PXDNL: variants seen among roughly 807,000 people sequenced by gnomAD.
PXDNL encodes probable oxidoreductase PXDNL.
A neutral mutation model predicts 150.8 loss-of-function variants in PXDNL; 145 were observed. That is an observed-to-expected ratio of 0.96 (90% confidence interval 0.84 to 1.10). PXDNL has a LOEUF of 1.10. PXDNL is among the 50% of genes least tolerant of loss of function. The pLI, the probability that PXDNL is intolerant of heterozygous loss-of-function variation, is 0.00. For missense variants in PXDNL, 2,087 were observed against 1,873.9 expected (o/e 1.11, Z -2.10); for synonymous variants, 757 against 725.7 (o/e 1.04, Z -0.69).
intron 1 of PXDNL, among the ~76,000 whole-genome samples, chr8:51,691,089 G>A (rs1310553937): frequency 1.3e-5 from 2 of 152,134 alleles, no homozygotes; most frequent in African/African-American, 4.8e-5. Context: ...AGATGAGCAG[G>A]TTGCAAAAGT....
chr8:51,529,513 C>G (rs746431836), intron 4 of PXDNL, among the ~76,000 whole-genome samples: 4 of 152,192 alleles, frequency 2.6e-5, no homozygotes, highest in Non-Finnish European at 4.4e-5. Context: ...GTCTCTTTTG[C>G]TGTTTCATTC....
rs145118452 is a variant in PXDNL, at chr8:51,750,706, T to C, written c.164+58475A>G. 2.2e-4 allele frequency among the ~76,000 whole-genome samples: 33 copies of C among 152,374 alleles called. 1 individual carries two copies. The highest frequency in any genetic ancestry group is 4.4e-4 in the Non-Finnish European group (30 of 68,034). The stretch of plus-strand genomic sequence containing the variant: ...CTCTTATTTACTACCCTACCAGTTA[T>C]CAAACCTACCTGAAAGTCCTTTTCT... On this transcript the variant is annotated intron_variant, in intron 1 of 22. Transcript: ENST00000356297.
intron 1 of PXDNL, among the ~76,000 whole-genome samples, chr8:51,685,815 A>C (rs1276781902): frequency 6.6e-6 from 1 of 152,132 alleles, no homozygotes; most frequent in Non-Finnish European, 1.5e-5. Context: ...TTGCTATATT[A>C]TTTATCAAGA....
At chr8:51,592,802 T>G in intron 2 of PXDNL, 104 bp from the exon 3 acceptor site, 3 of 696,140 alleles carry the variant, frequency 4.3e-6, no homozygotes, top group African/African-American at 1.9e-5. Flanking sequence ...AGAAAAATAT[T>G]TACTGACATG....
intron 4 of PXDNL, among the ~76,000 whole-genome samples, chr8:51,552,395 C>T (rs1812510138): frequency 6.6e-6 from 1 of 152,154 alleles, no homozygotes; most frequent in South Asian, 2.1e-4. Context: ...TTTATAGCAG[C>T]ACAATTTGCA....
chr8:51,805,048 A>T (rs2037660812), intron 1 of PXDNL, among the ~76,000 whole-genome samples: 1 of 151,866 alleles, frequency 6.6e-6, no homozygotes, highest in Non-Finnish European at 1.5e-5. Context: ...CTGAGTCAGG[A>T]GGTCAGTGAC....
At chr8:51,369,395 G>A (rs1402447803) in intron 19 of PXDNL, among the ~76,000 whole-genome samples, 1 of 152,174 alleles carries the variant, frequency 6.6e-6, no homozygotes, top group Non-Finnish European at 1.5e-5. Flanking sequence ...AGTGTAAGAA[G>A]CCCATCCCAT....
At chr8:51,460,228 A>G (rs1393375683) in intron 8 of PXDNL, among the ~76,000 whole-genome samples, 2 of 151,388 alleles carry the variant, frequency 1.3e-5, no homozygotes, top group Admixed American at 6.6e-5. Flanking sequence ...CAGCCTGGGC[A>G]ACAGAGTGAG....
chr8:51,791,685 T>A (rs890265610), intron 1 of PXDNL, among the ~76,000 whole-genome samples: 4 of 152,070 alleles, frequency 2.6e-5, no homozygotes, highest in African/African-American at 9.7e-5. Flanking sequence ...TTCATATAGC[T>A]CCCCCTTAGT....
Position 51,449,102 on chromosome 8 carries a change from T to C in PXDNL, c.1266A>G (p.Thr422=). 1.9e-6 allele frequency: 3 copies of C among 1,547,394 alleles called. No homozygotes were observed. Among genetic ancestry groups the C allele is most frequent in the Non-Finnish European group, 2.6e-6 (3 of 1,143,946 alleles). The change falls in exon 11 of 23, where the codon ACA becomes ACG. Residue 422 remains threonine, a synonymous_variant. Coordinates refer to ENST00000356297, the MANE Select transcript of PXDNL (RefSeq NM_144651.5). ...GCACCACTTGATCCTTGGGGGTTAC[T>C]GTAAATTGTGGAGGAGCTAAAGAGA... ...NIIVQAPPQF[T]VTPKDQVVLE...
At chr8:51,533,810 G>A (rs1259326176) in intron 4 of PXDNL, among the ~76,000 whole-genome samples, 1 of 150,764 alleles carries the variant, frequency 6.6e-6, no homozygotes, top group South Asian at 2.1e-4. Flanking sequence ...AGGCTGGAGT[G>A]CAGTGGCGTG....
At chr8:51,741,888 C>T (rs557272757) in intron 1 of PXDNL, among the ~76,000 whole-genome samples, 8 of 152,252 alleles carry the variant, frequency 5.3e-5, no homozygotes, top group East Asian at 3.9e-4. Context: ...CTCTATTTGG[C>T]GTTTGTACTA....
Position 51,439,645 on chromosome 8 carries a change from C to T in PXDNL, c.1525+7359G>A, listed in dbSNP as rs375275228. ...TTCAAGACCAGCCTGGCCAACAGGGCGAAAAACTGTCTCTACTAAAAATAT... is the reference window on the plus strand; with the variant it reads ...TTCAAGACCAGCCTGGCCAACAGGGTGAAAAACTGTCTCTACTAAAAATAT... On this transcript the variant is annotated intron_variant, in intron 12 of 22. Transcript: ENST00000356297. Among the ~76,000 whole-genome samples the T allele has an allele frequency of 3.3e-5, 5 of 151,686 alleles. 1 individual carries two copies. The highest frequency in any genetic ancestry group is 2.1e-4 in the South Asian group (1 of 4,798).
chr8:51,552,227 C>T (rs1249033224), intron 4 of PXDNL, among the ~76,000 whole-genome samples: 1 of 152,138 alleles, frequency 6.6e-6, no homozygotes, highest in Admixed American at 6.6e-5. Flanking sequence ...TTTTACAATG[C>T]TGGTGGGGCA....
chr8:51,319,896 G>T lies in PXDNL; in HGVS notation c.4387C>A (p.Arg1463Ser). The change falls in exon 23 of 23, where the codon CGC becomes AGC. Residue 1463 changes from arginine to serine, a missense_variant. Arg to Ser is a moderately radical substitution (Grantham distance 110). Transcript: ENST00000356297. The part of the protein sequence containing the change: ...RGMPSDSPEK[R>S] ...TCAACAGCACAAAACTTTTATTAGC[G>T]CTTCTCTGGGGAATCACTTGGCATT... 2 of 1,525,670 alleles carry T rather than the reference G, an allele frequency of 1.3e-6. No individual in the cohort carries two copies. The highest frequency in any genetic ancestry group is 1.8e-6 in the Non-Finnish European group (2 of 1,138,510). The allele number at this position is 1,525,670 out of a possible 1,614,324, so 94.5% of individuals were successfully genotyped here. A position where few individuals can be genotyped will look rare whatever the true frequency, so the allele number is the denominator to read the frequency against.
At chr8:51,681,426 G>T (rs1302272344) in intron 1 of PXDNL, among the ~76,000 whole-genome samples, 1 of 152,162 alleles carries the variant, frequency 6.6e-6, no homozygotes, top group Non-Finnish European at 1.5e-5. Flanking sequence ...ATCAAAAATG[G>T]GTATCTGGCT....
At chr8:51,653,548 T>C (rs1815084712) in intron 2 of PXDNL, among the ~76,000 whole-genome samples, 1 of 152,208 alleles carries the variant, frequency 6.6e-6, no homozygotes, top group Non-Finnish European at 1.5e-5. Context: ...TTTCGTACAT[T>C]GCACTTTGAT....
chr8:51,361,413 GA>G (rs375862438), intron 19 of PXDNL, among the ~76,000 whole-genome samples: 7 of 151,814 alleles, frequency 4.6e-5, no homozygotes, highest in African/African-American at 7.3e-5. Flanking sequence ...TGCTCAGGTA[GA>G]AAAAAAATCA....
chr8:51,800,296 G>C lies in PXDNL; in HGVS notation c.164+8885C>G, dbSNP rs186423485. ...TATGTTGGTATGTAAAATATTTTAT[G>C]TTAATATATTTTATATTGTCTATCT... is the stretch of plus-strand genomic sequence containing the variant. On this transcript the variant is annotated intron_variant, in intron 1 of 22. Coordinates refer to ENST00000356297, the MANE Select transcript of PXDNL (RefSeq NM_144651.5). 2.7e-4 allele frequency among the ~76,000 whole-genome samples: 41 copies of C among 152,262 alleles called. No individual in the cohort carries two copies. The East Asian group carries it at 6.2e-3, about 23-fold the overall frequency.
Sources: gnomAD v4.1 joint callset for allele counts (sites outside exome capture counted in the v4.1 genomes callset) on GRCh38, gnomAD v4.1.1 for gene constraint, MANE v1.5 for transcripts, NCBI Gene and HGNC (gene_info 2026-07-23, HGNC 2026-07-21) for gene names.